TMEM234: variants seen among roughly 807,000 people sequenced by gnomAD.
TMEM234 encodes the protein transmembrane protein 234.
In TMEM234, 21 loss-of-function variants were observed where a neutral mutation model predicts 17.8. The ratio of observed to expected loss-of-function variants is 1.18; its 90% CI spans 0.84 to 1.70. The LOEUF is 1.70. TMEM234 is among the 40% of genes most tolerant of loss of function. The probability of loss-of-function intolerance (pLI) is 0.00; values close to 1 mark genes in which losing one functional copy is unlikely to be tolerated. For synonymous variants in TMEM234, 83 were observed against 73.5 expected, an observed-to-expected ratio of 1.13 and a Z score of -0.66; for missense variants, 137 against 166.9, an observed-to-expected ratio of 0.82 and a Z score of 0.99.
In TMEM234 at chr1:32,222,312, G is replaced by C; in HGVS notation, c.11C>G (p.Ser4Cys). The C allele has an allele frequency of 1.3e-6, 2 of 1,562,286 alleles. No individual in the cohort carries two copies. The highest frequency in any genetic ancestry group is 8.7e-7 in the Non-Finnish European group (1 of 1,153,806). MAA[S>C]LGQVLALVLV... ...GGGCGGGGCCGGCTACCTACCCAGA[G>C]ACGCCGCCATGGCAACGCCGCTGTC... is the stretch of plus-strand genomic sequence containing the variant. The change falls in exon 1 of 5, where the codon TCT becomes TGT. Residue 4 changes from serine (S) to cysteine (C), a missense_variant. Coordinates refer to ENST00000309777, the MANE Select transcript of TMEM234 (RefSeq NM_019118.5).
rs1638404332 is a variant in TMEM234, at chr1:32,216,574, G to C, written c.*279C>G. On this transcript the variant is annotated 3_prime_UTR_variant, in exon 5 of 5. Transcript: ENST00000309777. ...GTAATGGTGGCTGGGCTGGGAGCCT[G>C]AGATGTTAGCAGGAAGAGAGCTGCT... 1.3e-6 allele frequency: 2 copies of C among 1,545,148 alleles called. No individual in the cohort carries two copies. Among genetic ancestry groups the C allele is most frequent in the African/African-American group, 2.7e-5 (2 of 72,960 alleles).
At chr1:32,216,117 G>C (rs141342475), downstream of TMEM234, 4,638 of 670,250 alleles carry the variant, frequency 6.9e-3, 65 homozygotes, top group Middle Eastern at 0.016. Flanking sequence ...TTTCCTTATG[G>C]GATTCTCTGG....
intron 3 of TMEM234, among the ~76,000 whole-genome samples, chr1:32,219,817 G>C (rs1439375755): frequency 6.6e-6 from 1 of 152,168 alleles, no homozygotes; most frequent in Non-Finnish European, 1.5e-5. Flanking sequence ...AGTTTCCCTT[G>C]CAATCTTGGT....
At chr1:32,221,826 C>T (rs1180896370) in intron 2 of TMEM234, 41 bp downstream of exon 2, 2 of 1,605,554 alleles carry the variant, frequency 1.2e-6, no homozygotes, top group Non-Finnish European at 1.7e-6. Flanking sequence ...AAATTCTTGG[C>T]GGCAACTCCA....
downstream of TMEM234, chr1:32,215,999 C>T: frequency 3.0e-6 from 3 of 1,011,676 alleles, no homozygotes; most frequent in Non-Finnish European, 4.5e-6. Flanking sequence ...CTCCGCTGGG[C>T]TCACAGGGTA....
chr1:32,217,232 T>A (rs1337549651), intron 4 of TMEM234, 27 bp downstream of exon 4: 1 of 1,614,070 alleles, frequency 6.2e-7, no homozygotes, highest in Non-Finnish European at 8.5e-7. Flanking sequence ...CAGAGCTGCG[T>A]CCCGCACTCG....
Position 32,216,629 on chromosome 1 carries a change from A to G in TMEM234, c.*224T>C, listed in dbSNP as rs972089137. ...CAGAAAGGTTGCTGAGGGTGAGCGT[A>G]GAGTCTCCTGTGCTAAATCCCCGCA... On this transcript the variant is annotated 3_prime_UTR_variant, in exon 5 of 5. Coordinates refer to ENST00000309777, the MANE Select transcript of TMEM234 (RefSeq NM_019118.5). 4.1e-5 allele frequency: 62 copies of G among 1,527,770 alleles called. No homozygotes were observed. Among genetic ancestry groups the G allele is most frequent in the Non-Finnish European group, 4.9e-5 (55 of 1,132,266 alleles). The allele number at this position is 1,527,770 out of a possible 1,614,324, so 94.6% of individuals were successfully genotyped here. A position where few individuals can be genotyped will look rare whatever the true frequency, so the allele number is the denominator to read the frequency against.
chr1:32,215,879 C>T, downstream of TMEM234: 2 of 1,551,170 alleles, frequency 1.3e-6, no homozygotes, highest in African/African-American at 2.7e-5. Context: ...CAGCCTCAGC[C>T]CCAGCTCTGC....
intron 1 of TMEM234, 84 bp from the exon 2 acceptor site, chr1:32,222,102 A>G: frequency 6.7e-7 from 1 of 1,503,490 alleles, no homozygotes; most frequent in Non-Finnish European, 8.9e-7. Flanking sequence ...AGCCCCAGCT[A>G]GCCGCCCCCA....
intron 4 of TMEM234, 55 bp downstream of exon 4, chr1:32,217,204 C>G: frequency 6.2e-7 from 1 of 1,614,134 alleles, no homozygotes; most frequent in Non-Finnish European, 8.5e-7. Context: ...GGAACTAACA[C>G]AGGTATGTCG....
chr1:32,222,271 C>T (rs762617573), intron 1 of TMEM234, 36 bp downstream of exon 1: 6 of 1,534,336 alleles, frequency 3.9e-6, no homozygotes, highest in Non-Finnish European at 5.3e-6. Flanking sequence ...AGGCGAGGGT[C>T]GGGAAATCCA....
chr1:32,217,198 C>A, intron 4 of TMEM234, 61 bp downstream of exon 4: 1 of 1,614,054 alleles, frequency 6.2e-7, no homozygotes, highest in Non-Finnish European at 8.5e-7. Context: ...TGGGAAGGAA[C>A]TAACACAGGT....
chr1:32,215,864 T>C, downstream of TMEM234: 1 of 1,551,478 alleles, frequency 6.4e-7, no homozygotes, highest in Non-Finnish European at 8.7e-7. Flanking sequence ...CTGGGGCTGC[T>C]ATCTCAGCCT....
At position 32,217,329 on chromosome 1, in the gene TMEM234, G is replaced by A; in HGVS notation, c.258C>T (p.Ile86=). Residue 86 remains isoleucine, a synonymous_variant, in exon 4 of 5, where the codon ATC becomes ATT. Coordinates refer to ENST00000309777, the MANE Select transcript of TMEM234 (RefSeq NM_019118.5). ...TGAAGATGATAGCCAGAGAGTTACA[G>A]ATGGGCACAGCCAGGGTCAGATCTG... ...ASTDLTLAVP[I]CNSLAIIFTL... The A allele has an allele frequency of 6.2e-7, 1 of 1,612,088 alleles. No individual in the cohort carries two copies. The highest frequency in any genetic ancestry group is 8.5e-7 in the Non-Finnish European group (1 of 1,178,354).
In TMEM234 at chr1:32,216,859, G is replaced by C; in HGVS notation, c.417C>G (p.Thr139=). The stretch of plus-strand genomic sequence containing the variant: ...GGAAGTGGGTTCGGCCCACTCAAAG[G>C]GTAGACTGTTGCCCCTGGGTCTTAC... ...SVSKTQGQQS[T]L The change falls in exon 5 of 5, where the codon ACC becomes ACG. Residue 139 remains threonine (T), a synonymous_variant. Transcript: ENST00000309777. The C allele has an allele frequency of 6.2e-7, 1 of 1,614,166 alleles. No individual in the cohort carries two copies. Among genetic ancestry groups the C allele is most frequent in the Middle Eastern group, 1.7e-4 (1 of 6,058 alleles).
chr1:32,215,916 G>C, downstream of TMEM234: 1 of 1,541,012 alleles, frequency 6.5e-7, no homozygotes, highest in South Asian at 1.2e-5. Context: ...AGCTCCAGAG[G>C]GCAACTGGGG....
intron 3 of TMEM234, 139 bp from the exon 4 acceptor site, chr1:32,217,490 A>C: frequency 8.4e-5 from 127 of 1,518,604 alleles, no homozygotes; most frequent in Middle Eastern, 1.7e-4. Flanking sequence ...AGCAAATCTC[A>C]GGACTCAAAC....
chr1:32,216,234 C>A lies in TMEM234; in HGVS notation c.*619G>T. 3 of 1,228,220 alleles carry A rather than the reference C, an allele frequency of 2.4e-6. No individual in the cohort carries two copies. Among genetic ancestry groups the A allele is most frequent in the Middle Eastern group, 1.9e-4 (1 of 5,142 alleles). 76.1% of individuals were successfully genotyped at this position (1,228,220 alleles called of 1,614,324 possible). ...CATAGATTTATTGACAGCTACTACT[C>A]GCCAGGTGTGCTGGAGTCAGGTGGG... On this transcript the variant is annotated 3_prime_UTR_variant, in exon 5 of 5. Transcript: ENST00000309777.
At chr1:32,222,099 G>C in intron 1 of TMEM234, 81 bp from the exon 2 acceptor site, 1 of 1,504,000 alleles carries the variant, frequency 6.6e-7, no homozygotes, top group Non-Finnish European at 8.9e-7. Flanking sequence ...TCTAGCCCCA[G>C]CTAGCCGCCC....
Sources: allele counts gnomAD v4.1 joint callset (sites outside exome capture counted in the v4.1 genomes callset), GRCh38; gene constraint gnomAD v4.1.1; transcripts MANE v1.5; gene names NCBI Gene and HGNC (gene_info 2026-07-23, HGNC 2026-07-21).